Variants in OCLN observed in about 807,000 individuals in gnomAD.
OCLN encodes phosphatase 1, regulatory subunit 115.
In OCLN, 21 loss-of-function variants were observed where a neutral mutation model predicts 47.9. The ratio of observed to expected loss-of-function variants is 0.44; its 90% CI spans 0.31 to 0.63. The LOEUF is 0.63. Ranked by LOEUF, OCLN falls within the 30% of genes least tolerant of loss-of-function variation. OCLN has a pLI of 0.08. For missense variants in OCLN, 360 were observed against 571.0 expected, an observed-to-expected ratio of 0.63 and a Z score of 3.77; for synonymous variants, 117 against 198.4, an observed-to-expected ratio of 0.59 and a Z score of 3.45.
At chr5:69,496,936 A>C (rs1768309513) in intron 1 of OCLN, among the ~76,000 whole-genome samples, 1 of 152,148 alleles carries the variant, frequency 6.6e-6, no homozygotes, top group Non-Finnish European at 1.5e-5. Context: ...GTAGGTGATA[A>C]GTGGCCTCTT....
chr5:69,509,317 G>A lies in OCLN; in HGVS notation c.227G>A (p.Cys76Tyr), dbSNP rs781452019. ...RILSMLIIVMCIAIFACVAST... is the reference protein window; with the variant it reads ...RILSMLIIVMYIAIFACVAST... ...CTGTCTATGCTCATTATTGTGATGTGCATTGCCATCTTTGCCTGTGTGGCC... is the reference window on the plus strand; with the variant it reads ...CTGTCTATGCTCATTATTGTGATGTACATTGCCATCTTTGCCTGTGTGGCC... The change falls in exon 3 of 9, where the codon TGC becomes TAC. Residue 76 changes from cysteine to tyrosine, a missense_variant. Cys to Tyr is a radical substitution (Grantham distance 194). This residue lies in a region of OCLN where 314 missense variants were observed against 368.1 expected (regional missense o/e 0.85). Coordinates refer to ENST00000396442, the MANE Select transcript of OCLN (RefSeq NM_001205254.2). 4 of 1,614,198 alleles carry A rather than the reference G, an allele frequency of 2.5e-6. No homozygotes were observed. In the East Asian group the frequency reaches 8.9e-5, roughly 36 times the overall value.
chr5:69,524,861 A>G (rs936563709), intron 4 of OCLN, among the ~76,000 whole-genome samples: 1 of 151,582 alleles, frequency 6.6e-6, no homozygotes, highest in East Asian at 2.0e-4. Flanking sequence ...TAATTTTTGT[A>G]TTTTTAGTAG....
At chr5:69,530,564 T>C (rs937147986) in intron 4 of OCLN, 3 of 152,204 alleles carry the variant, frequency 2.0e-5, no homozygotes, top group Admixed American at 1.3e-4. Context: ...TATTTTGCCT[T>C]TGCCTCTAGA....
rs185696200 is a variant in OCLN, at chr5:69,512,324, A to G, written c.730-1624A>G. Among the ~76,000 whole-genome samples, 658 of 152,340 alleles carry G rather than the reference A, an allele frequency of 4.3e-3. 3 individuals are homozygous for G. Among genetic ancestry groups the G allele is most frequent in the Non-Finnish European group, 6.9e-3 (471 of 68,026 alleles). ...TACTTGTTGAAAGGACTGTTCCTCCACTAAGTTTTCTTCATGCCTTTGTCA... is the reference window on the plus strand; with the variant it reads ...TACTTGTTGAAAGGACTGTTCCTCCGCTAAGTTTTCTTCATGCCTTTGTCA... On this transcript the variant is annotated intron_variant, in intron 3 of 8. Transcript: ENST00000396442.
At chr5:69,528,805 A>G (rs1017704589) in intron 4 of OCLN, among the ~76,000 whole-genome samples, 3 of 152,154 alleles carry the variant, frequency 2.0e-5, no homozygotes, top group Admixed American at 2.0e-4. Context: ...CATGCTGAAT[A>G]CTCAACAGGT....
intron 2 of OCLN, among the ~76,000 whole-genome samples, chr5:69,505,209 C>T (rs1179536744): frequency 1.3e-5 from 2 of 152,074 alleles, no homozygotes; most frequent in African/African-American, 2.4e-5. Context: ...GAGATGGCGC[C>T]ATTGCACTCT....
rs993557633 is a variant in OCLN, at chr5:69,554,589, T to C, written c.*918T>C. 6.6e-6 allele frequency: 1 copy of C among 152,048 alleles called. No homozygotes were observed. Among genetic ancestry groups the C allele is most frequent in the Non-Finnish European group, 1.5e-5 (1 of 68,022 alleles). 9.4% of individuals were successfully genotyped at this position (152,048 alleles called of 1,614,324 possible). A position where few individuals can be genotyped will look rare whatever the true frequency, so the allele number is the denominator to read the frequency against. On this transcript the variant is annotated 3_prime_UTR_variant, in exon 9 of 9. Transcript: ENST00000396442. The stretch of plus-strand genomic sequence containing the variant: ...TCCATAATAACCTGTTTGATGTTAT[T>C]AGTGCTGTTAACATACAGCAATGGA...
chr5:69,533,799 C>T (rs574805439), intron 4 of OCLN, among the ~76,000 whole-genome samples: 1 of 152,178 alleles, frequency 6.6e-6, no homozygotes, highest in South Asian at 2.1e-4. Context: ...ACTACAGGTG[C>T]ATGCCACCAC....
chr5:69,522,934 C>T (rs920004595), intron 4 of OCLN, among the ~76,000 whole-genome samples: 2 of 131,356 alleles, frequency 1.5e-5, no homozygotes, highest in African/African-American at 5.9e-5. Context: ...CGCTATGTCG[C>T]CCAGGCTATT....
At chr5:69,515,020 T>G (rs1438067830) in intron 4 of OCLN, among the ~76,000 whole-genome samples, 10 of 151,446 alleles carry the variant, frequency 6.6e-5, no homozygotes, top group East Asian at 1.9e-4. Context: ...ATCATGGCCC[T>G]TTCTCAATGA....
chr5:69,501,946 C>T (rs566369766), intron 1 of OCLN, among the ~76,000 whole-genome samples: 3 of 152,190 alleles, frequency 2.0e-5, no homozygotes, highest in Admixed American at 2.0e-4. Flanking sequence ...GCCTGTAATC[C>T]CAGCACTTTG....
intron 4 of OCLN, among the ~76,000 whole-genome samples, chr5:69,531,272 T>C (rs1328473313): frequency 6.6e-6 from 1 of 151,966 alleles, no homozygotes; most frequent in Non-Finnish European, 1.5e-5. Flanking sequence ...ATAGCACAGG[T>C]TGGTGCCTCA....
intron 2 of OCLN, among the ~76,000 whole-genome samples, chr5:69,507,962 C>T (rs1241597193): frequency 2.0e-5 from 3 of 152,200 alleles, no homozygotes; most frequent in Non-Finnish European, 4.4e-5. Context: ...TAAAACATTA[C>T]TTCATCACGT....
At chr5:69,502,284 T>A (rs1768482509) in intron 1 of OCLN, 1 of 126,922 alleles carries the variant, frequency 7.9e-6, no homozygotes, top group African/African-American at 3.1e-5. Flanking sequence ...TAATGTATGA[T>A]TGTACAGACC....
intron 4 of OCLN, among the ~76,000 whole-genome samples, chr5:69,519,202 C>T (rs147734056): frequency 4.1e-4 from 63 of 152,258 alleles, no homozygotes; most frequent in Non-Finnish European, 7.9e-4. Context: ...TAATCCCTCC[C>T]TACAGATTGG....
intron 3 of OCLN, among the ~76,000 whole-genome samples, chr5:69,512,937 C>A (rs1358891727): frequency 6.6e-6 from 1 of 152,118 alleles, no homozygotes; most frequent in Admixed American, 6.5e-5. Flanking sequence ...CTGAATGAGT[C>A]ACTCCTTTGG....
chr5:69,498,690 G>GTT (rs935193017), intron 1 of OCLN, among the ~76,000 whole-genome samples: 1 of 150,734 alleles, frequency 6.6e-6, no homozygotes, highest in African/African-American at 2.4e-5. Flanking sequence ...TTTTTTAATT[G>GTT]TTTTTTTGAG....
chr5:69,517,813 G>T (rs1315204305), intron 4 of OCLN, among the ~76,000 whole-genome samples: 1 of 151,964 alleles, frequency 6.6e-6, no homozygotes, highest in East Asian at 1.9e-4. Context: ...TCACTTTAAA[G>T]TGTGAAGGTG....
At chr5:69,526,493 G>A (rs1007325887) in intron 4 of OCLN, among the ~76,000 whole-genome samples, 1 of 148,806 alleles carries the variant, frequency 6.7e-6, no homozygotes, top group Non-Finnish European at 1.5e-5. Flanking sequence ...TAAGTAAGGG[G>A]CCTTGAATGA....
Sources: gnomAD v4.1 joint callset for allele counts (sites outside exome capture counted in the v4.1 genomes callset) on GRCh38, gnomAD v4.1.1 for gene constraint, gnomAD v4.1.1 regional missense constraint, MANE v1.5 for transcripts, NCBI Gene and HGNC (gene_info 2026-07-23, HGNC 2026-07-21) for gene names.